The following LRMDA variants were observed in gnomAD, a reference collection of about 807,000 sequenced individuals.
LRMDA encodes the protein leucine rich melanocyte differentiation associated.
In LRMDA, 18 loss-of-function variants were observed where a neutral mutation model predicts 29.8. The observed-to-expected ratio is 0.60, with a 90% confidence interval of 0.42 to 0.90. The LOEUF (loss-of-function observed/expected upper bound fraction) is 0.90. Ranked by LOEUF, LRMDA falls within the 40% of genes least tolerant of loss-of-function variation. The pLI, the probability that LRMDA is intolerant of heterozygous loss-of-function variation, is 0.00. For missense variants in LRMDA, 273 were observed against 273.9 expected (o/e 1.00, Z 0.02); for synonymous variants, 125 against 109.4 (o/e 1.14, Z -0.89).
At chr10:75,988,167 G>A (rs975043922) in intron 2 of LRMDA, among the ~76,000 whole-genome samples, 3 of 152,072 alleles carry the variant, frequency 2.0e-5, no homozygotes, top group East Asian at 3.9e-4. Context: ...GTTGCTCCCC[G>A]CTTTAAAAAC....
At chr10:76,464,406 C>A (rs996982313) in intron 6 of LRMDA, among the ~76,000 whole-genome samples, 3 of 152,134 alleles carry the variant, frequency 2.0e-5, no homozygotes, top group African/African-American at 7.2e-5. Context: ...ACCCAGTCAA[C>A]ATGCCTACAA....
intron 6 of LRMDA, among the ~76,000 whole-genome samples, chr10:76,486,828 T>A (rs948819063): frequency 6.6e-6 from 1 of 151,868 alleles, no homozygotes; most frequent in Admixed American, 6.6e-5. Flanking sequence ...ACAGCTGCCA[T>A]GGAAGCTCAG....
intron 6 of LRMDA, among the ~76,000 whole-genome samples, chr10:76,347,392 T>C (rs11001742): frequency 0.11 from 16,482 of 152,176 alleles, 1,047 homozygotes; most frequent in East Asian, 0.32. Flanking sequence ...TCATGGACAG[T>C]CCCTTTGGTT....
chr10:75,475,576 C>T (rs1844781113), intron 2 of LRMDA, among the ~76,000 whole-genome samples: 1 of 152,194 alleles, frequency 6.6e-6, no homozygotes, highest in South Asian at 2.1e-4. Flanking sequence ...CCCATTGTTT[C>T]AGGTAATTCA....
At chr10:76,304,663 A>T (rs1325694326) in intron 5 of LRMDA, among the ~76,000 whole-genome samples, 1 of 152,172 alleles carries the variant, frequency 6.6e-6, no homozygotes, top group East Asian at 1.9e-4. Flanking sequence ...TTTGTTCAAT[A>T]TTTTAAGTTC....
chr10:75,782,686 TAG>T (rs1275666744), intron 2 of LRMDA: 3 of 1,194,692 alleles, frequency 2.5e-6, no homozygotes, highest in Non-Finnish European at 3.2e-6. Context: ...CAGTTCCAAG[TAG>T]AGTCAACATA....
chr10:76,442,192 C>T (rs1017068016), intron 6 of LRMDA, among the ~76,000 whole-genome samples: 25 of 152,026 alleles, frequency 1.6e-4, no homozygotes, highest in African/African-American at 5.8e-4. Context: ...CTTGGTTTTA[C>T]GCAAGAAAAT....
chr10:76,125,237 C>A (rs1326353222), intron 5 of LRMDA, among the ~76,000 whole-genome samples: 1 of 152,092 alleles, frequency 6.6e-6, no homozygotes, highest in Non-Finnish European at 1.5e-5. Flanking sequence ...CTGTTAACAC[C>A]TTTTCTGCAG....
At chr10:76,343,962 C>A (rs1324841954) in intron 6 of LRMDA, among the ~76,000 whole-genome samples, 1 of 151,882 alleles carries the variant, frequency 6.6e-6, no homozygotes, top group Non-Finnish European at 1.5e-5. Context: ...GGATTACAGA[C>A]CCGTGCCACC....
chr10:76,276,182 C>A (rs1191877804), intron 5 of LRMDA, among the ~76,000 whole-genome samples: 1 of 151,968 alleles, frequency 6.6e-6, no homozygotes, highest in East Asian at 1.9e-4. Context: ...TCCTGTTCAC[C>A]CAGGCTGGAG....
intron 2 of LRMDA, among the ~76,000 whole-genome samples, chr10:75,618,290 G>A (rs1182416649): frequency 6.7e-6 from 1 of 148,420 alleles, no homozygotes; most frequent in African/African-American, 2.5e-5. Flanking sequence ...ATTCTCTTTA[G>A]TTCTTTCTTT....
At chr10:76,542,625 T>C (rs1023388795) in intron 6 of LRMDA, among the ~76,000 whole-genome samples, 3 of 152,246 alleles carry the variant, frequency 2.0e-5, no homozygotes, top group Non-Finnish European at 4.4e-5. Context: ...GCGTTGTTAA[T>C]TGATTTTTTG....
intron 2 of LRMDA, among the ~76,000 whole-genome samples, chr10:75,519,860 G>A (rs923470423): frequency 2.6e-5 from 4 of 152,174 alleles, no homozygotes; most frequent in African/African-American, 9.7e-5. Context: ...CAGGAGCTCT[G>A]TAAGGCAGTT....
chr10:75,614,401 A>G (rs1474167252), intron 2 of LRMDA, among the ~76,000 whole-genome samples: 1 of 152,160 alleles, frequency 6.6e-6, no homozygotes, highest in African/African-American at 2.4e-5. Context: ...GCCCATTGTC[A>G]TTAATCACGG....
At chr10:76,291,723 C>T (rs144197581) in intron 5 of LRMDA, among the ~76,000 whole-genome samples, 2 of 151,968 alleles carry the variant, frequency 1.3e-5, no homozygotes, top group South Asian at 2.1e-4. Context: ...GCTATTATGC[C>T]CATCCCTTAA....
At chr10:75,645,068 C>T (rs532437280) in intron 2 of LRMDA, among the ~76,000 whole-genome samples, 57 of 152,008 alleles carry the variant, frequency 3.7e-4, no homozygotes, top group Admixed American at 1.0e-3. Context: ...CTGCAACCTC[C>T]GCCTCTTGGG....
intron 2 of LRMDA, among the ~76,000 whole-genome samples, chr10:75,768,107 A>G (rs139989790): frequency 3.3e-4 from 50 of 152,308 alleles, no homozygotes; most frequent in African/African-American, 1.2e-3. Flanking sequence ...CTGTGGGGAA[A>G]TGAATTTTTG....
chr10:76,114,201 G>A (rs906672754), intron 5 of LRMDA, among the ~76,000 whole-genome samples: 1 of 152,186 alleles, frequency 6.6e-6, no homozygotes, highest in African/African-American at 2.4e-5. Context: ...AATAGGCATT[G>A]TTAACAAAAC....
At chr10:76,269,899 C>A (rs1840047079) in intron 5 of LRMDA, among the ~76,000 whole-genome samples, 1 of 152,160 alleles carries the variant, frequency 6.6e-6, no homozygotes, top group African/African-American at 2.4e-5. Flanking sequence ...TGTCTGATAC[C>A]TGTTTTTAAC....
Sources: gnomAD v4.1 joint callset for allele counts (sites outside exome capture counted in the v4.1 genomes callset) on GRCh38, gnomAD v4.1.1 for gene constraint, MANE v1.5 for transcripts, NCBI Gene and HGNC (gene_info 2026-07-23, HGNC 2026-07-21) for gene names.